ERBB4: variants seen among roughly 807,000 people sequenced by gnomAD.
ERBB4 encodes the protein receptor tyrosine-protein kinase erbB-4.
Under a neutral mutation model 158.0 loss-of-function variants are expected in ERBB4, and 42 were observed. The observed-to-expected ratio is 0.27, with a 90% CI of 0.21 to 0.34. The LOEUF (loss-of-function observed/expected upper bound fraction) is 0.34. Among genes scored for constraint, ERBB4 ranks in the 10% least tolerant of loss-of-function variants. The probability of loss-of-function intolerance (pLI) is 1.00; values close to 1 mark genes in which losing one functional copy is unlikely to be tolerated. For synonymous variants in ERBB4, 583 were observed against 558.7 expected, an observed-to-expected ratio of 1.04 and a Z score of -0.61; for missense variants, 1,333 against 1,624.1, an observed-to-expected ratio of 0.82 and a Z score of 3.08.
intron 2 of ERBB4, among the ~76,000 whole-genome samples, chr2:212,103,744 T>A (rs2079147903): frequency 6.6e-6 from 1 of 151,930 alleles, no homozygotes; most frequent in Non-Finnish European, 1.5e-5. Flanking sequence ...ACAATGCACC[T>A]CTTCTATTTA....
chr2:211,413,786 G>T lies in ERBB4; in HGVS notation c.3135+6655C>A, dbSNP rs543521081. On this transcript the variant is annotated intron_variant, in intron 25 of 27. Coordinates refer to ENST00000342788, the MANE Select transcript of ERBB4 (RefSeq NM_005235.3). ...TTGTTTGACGACCATGAAGAATTAG[G>T]CATGCGGACACATTGAAGGGTGAGG... Among the ~76,000 whole-genome samples the T allele has an allele frequency of 3.3e-5, 5 of 152,034 alleles. No individual in the cohort carries two copies. The South Asian group carries it at 1.0e-3, about 32-fold the overall frequency.
At chr2:212,020,650 TA>T (rs1268187748) in intron 2 of ERBB4, among the ~76,000 whole-genome samples, 2 of 152,124 alleles carry the variant, frequency 1.3e-5, no homozygotes, top group African/African-American at 4.8e-5. Flanking sequence ...TATTGCCTCA[TA>T]CACTAAGAAT....
At chr2:212,125,172 A>T in intron 1 of ERBB4, 1 of 417,934 alleles carries the variant, frequency 2.4e-6, no homozygotes, top group Non-Finnish European at 4.4e-6. Flanking sequence ...CCCATTTGTT[A>T]TGACCATATA....
chr2:211,952,333 C>A (rs1392941129), intron 2 of ERBB4, among the ~76,000 whole-genome samples: 1 of 151,946 alleles, frequency 6.6e-6, no homozygotes, highest in African/African-American at 2.4e-5. Flanking sequence ...GGTAGGAGTG[C>A]TTAATGATGA....
chr2:211,424,274 A>C lies in ERBB4; in HGVS notation c.2747T>G (p.Phe916Cys). Residue 916 changes from phenylalanine to cysteine, a missense_variant, in exon 23 of 28, where the codon TTT becomes TGT. Phe to Cys is a radical substitution (Grantham distance 205, BLOSUM62 -2). Around this residue, in one of 5 missense-constraint regions of ERBB4, gnomAD observed 314 missense variants for 437.6 expected, o/e 0.72. Coordinates refer to ENST00000342788, the MANE Select transcript of ERBB4 (RefSeq NM_005235.3). The part of the protein sequence containing the change: ...YGVTIWELMT[F>C]GGKPYDGIPT... ...AATTCCATCATAGGGTTTTCCTCCA[A>C]AGGTCATCAGTTCCCATATAGTAAC... 6.2e-7 allele frequency: 1 copy of C among 1,613,144 alleles called. No individual in the cohort carries two copies. Among genetic ancestry groups the C allele is most frequent in the South Asian group, 1.1e-5 (1 of 91,074 alleles).
intron 22 of ERBB4, among the ~76,000 whole-genome samples, chr2:211,427,311 C>T (rs545758139): frequency 2.1e-4 from 32 of 152,000 alleles, no homozygotes; most frequent in African/African-American, 7.7e-4. Context: ...CTCACCACCA[C>T]CCTTTTATTT....
intron 1 of ERBB4, among the ~76,000 whole-genome samples, chr2:212,286,792 TAGAGACGGG>T (rs2086000150): frequency 7.3e-6 from 1 of 137,172 alleles, no homozygotes; most frequent in Non-Finnish European, 1.5e-5. Flanking sequence ...TTTTTTTTTG[TAGAGACGGG>T]ATTTCCGCCA....
intron 16 of ERBB4, among the ~76,000 whole-genome samples, chr2:211,650,145 C>T (rs2070930567): frequency 6.6e-6 from 1 of 151,904 alleles, no homozygotes. Context: ...AAGGTACTTA[C>T]TTAGGATCTA....
chr2:212,466,006 T>G (rs1474063455), intron 1 of ERBB4, among the ~76,000 whole-genome samples: 3 of 150,848 alleles, frequency 2.0e-5, no homozygotes, highest in Admixed American at 2.0e-4. Flanking sequence ...AGACTAGATA[T>G]AAGAACCAGA....
In ERBB4 at chr2:212,449,997, A is replaced by G. The variant is rs111617854; in HGVS notation, c.82+88452T>C. ...ATAAGTTATGGGAATGACCTTGCCT[A>G]TACACTAACGTGTTTAAAAAGGAAT... On this transcript the variant is annotated intron_variant, in intron 1 of 27. Transcript: ENST00000342788. Among the ~76,000 whole-genome samples, 224 of 152,300 alleles carry G rather than the reference A, an allele frequency of 1.5e-3. 2 individuals are homozygous for G. The highest frequency in any genetic ancestry group is 6.8e-3 in the Middle Eastern group (2 of 294).
At chr2:211,830,463 C>T (rs1267836238) in intron 3 of ERBB4, among the ~76,000 whole-genome samples, 1 of 152,046 alleles carries the variant, frequency 6.6e-6, no homozygotes, top group Non-Finnish European at 1.5e-5. Flanking sequence ...CTATTTTACT[C>T]TTTTGACTTA....
chr2:212,508,415 T>C (rs1336477503), intron 1 of ERBB4, among the ~76,000 whole-genome samples: 1 of 152,170 alleles, frequency 6.6e-6, no homozygotes, highest in Admixed American at 6.5e-5. Flanking sequence ...AAATTACTTA[T>C]GGGTTTATGC....
chr2:211,766,905 T>C (rs181510854), intron 4 of ERBB4, among the ~76,000 whole-genome samples: 4 of 152,326 alleles, frequency 2.6e-5, no homozygotes, highest in Non-Finnish European at 5.9e-5. Flanking sequence ...ACTGGTCATG[T>C]CGGCCTTGTC....
At chr2:211,421,632 C>A (rs2063516658) in intron 24 of ERBB4, among the ~76,000 whole-genome samples, 1 of 151,634 alleles carries the variant, frequency 6.6e-6, no homozygotes, top group African/African-American at 2.4e-5. Flanking sequence ...CAAGCATGGG[C>A]AAGATTAAAA....
At chr2:212,346,895 A>G (rs1574736218) in intron 1 of ERBB4, among the ~76,000 whole-genome samples, 1 of 152,126 alleles carries the variant, frequency 6.6e-6, no homozygotes, top group South Asian at 2.1e-4. Context: ...ACTAAGCCGC[A>G]TTTACATTAA....
At chr2:212,366,236 AATT>A (rs1207822694) in intron 1 of ERBB4, among the ~76,000 whole-genome samples, 1 of 151,966 alleles carries the variant, frequency 6.6e-6, no homozygotes, top group Non-Finnish European at 1.5e-5. Context: ...ATCTGATATA[AATT>A]ATGATTATAT....
chr2:212,282,511 G>T (rs1182161256), intron 1 of ERBB4, among the ~76,000 whole-genome samples: 2 of 151,872 alleles, frequency 1.3e-5, no homozygotes, highest in East Asian at 3.9e-4. Context: ...GTAACCCAGG[G>T]ACCTCGAGTG....
chr2:211,378,521 A>G lies in ERBB4; in HGVS notation c.*5094T>C, dbSNP rs187712206. ...AAAAGATATTTGCCCACACAAACAC[A>G]AGGGCCCCTGGCCCGACACAATGCC... On this transcript the variant is annotated 3_prime_UTR_variant, in exon 28 of 28. Coordinates refer to ENST00000342788, the MANE Select transcript of ERBB4 (RefSeq NM_005235.3). 34 of 232,824 alleles carry G rather than the reference A, an allele frequency of 1.5e-4. No individual in the cohort carries two copies. In the Admixed American group the frequency reaches 1.9e-3, roughly 13 times the overall value. 14.4% of individuals were successfully genotyped at this position (232,824 alleles called of 1,614,324 possible).
At chr2:211,388,743 A>G (rs551173490) in intron 25 of ERBB4, among the ~76,000 whole-genome samples, 1 of 152,216 alleles carries the variant, frequency 6.6e-6, no homozygotes, top group African/African-American at 2.4e-5. Flanking sequence ...GCTCCATCCT[A>G]TGGGCTAACT....
Sources: allele counts gnomAD v4.1 joint callset (sites outside exome capture counted in the v4.1 genomes callset), GRCh38; gene constraint gnomAD v4.1.1; regional missense constraint gnomAD v4.1.1; transcripts MANE v1.5; gene names NCBI Gene and HGNC (gene_info 2026-07-23, HGNC 2026-07-21).